PRR14L: variants seen among roughly 807,000 people sequenced by gnomAD.
The protein encoded by PRR14L is proline rich 14 like.
A neutral mutation model predicts 155.0 loss-of-function variants in PRR14L; 80 were observed. The observed-to-expected ratio is 0.52, with a 90% CI of 0.43 to 0.62. The LOEUF (loss-of-function observed/expected upper bound fraction) is 0.62, where lower values mean the gene tolerates loss of function less well. Ranked by LOEUF, PRR14L falls within the 20% of genes least tolerant of loss-of-function variation. PRR14L has a pLI of 0.00. For synonymous variants in PRR14L, 883 were observed against 916.0 expected, an observed-to-expected ratio of 0.96 and a Z score of 0.65; for missense variants, 2,469 against 2,548.0, an observed-to-expected ratio of 0.97 and a Z score of 0.67.
intron 1 of PRR14L, among the ~76,000 whole-genome samples, chr22:31,746,882 T>C (rs2074841422): frequency 6.6e-6 from 1 of 151,330 alleles, no homozygotes; most frequent in South Asian, 2.1e-4. Context: ...CTGCAAGCTC[T>C]GCCTCCCGGG....
At chr22:31,700,610 G>A (rs930738715) in intron 7 of PRR14L, among the ~76,000 whole-genome samples, 1 of 152,192 alleles carries the variant, frequency 6.6e-6, no homozygotes. Context: ...AGGCTGGAGT[G>A]CAATGGCACG....
chr22:31,700,195 T>G (rs1327370599), intron 7 of PRR14L, among the ~76,000 whole-genome samples: 1 of 152,140 alleles, frequency 6.6e-6, no homozygotes, highest in African/African-American at 2.4e-5. Context: ...TTGAAAGAAG[T>G]GGAAATAATT....
chr22:31,688,076 C>A, intron 8 of PRR14L, 80 bp downstream of exon 8: 5 of 1,236,526 alleles, frequency 4.0e-6, no homozygotes, highest in Non-Finnish European at 5.6e-6. Context: ...AACATAAACT[C>A]TTTCTAAAGT....
chr22:31,743,595 G>A (rs942214645), intron 1 of PRR14L, among the ~76,000 whole-genome samples: 7 of 152,196 alleles, frequency 4.6e-5, no homozygotes, highest in Admixed American at 4.6e-4. Flanking sequence ...GAGGTCAGGA[G>A]TTCCAGACCA....
At chr22:31,739,329 C>G (rs1005795573) in intron 1 of PRR14L, among the ~76,000 whole-genome samples, 85 of 152,180 alleles carry the variant, frequency 5.6e-4, no homozygotes, top group Non-Finnish European at 1.0e-3. Flanking sequence ...ATAGTACGTA[C>G]TCGGCAAATA....
intron 2 of PRR14L, among the ~76,000 whole-genome samples, chr22:31,729,360 C>A (rs183896875): frequency 6.6e-6 from 1 of 152,220 alleles, no homozygotes; most frequent in East Asian, 1.9e-4. Context: ...TACAGGCACC[C>A]GCCACTACGC....
At chr22:31,701,083 G>A (rs1451076160) in intron 7 of PRR14L, among the ~76,000 whole-genome samples, 1 of 151,740 alleles carries the variant, frequency 6.6e-6, no homozygotes, top group Non-Finnish European at 1.5e-5. Context: ...CACCTCCCAG[G>A]CTCAAGCGAA....
chr22:31,728,466 A>T (rs1262824263), intron 2 of PRR14L, among the ~76,000 whole-genome samples: 1 of 151,942 alleles, frequency 6.6e-6, no homozygotes, highest in Non-Finnish European at 1.5e-5. Flanking sequence ...ATATATAATT[A>T]GCTGGGCATG....
In PRR14L at chr22:31,713,173, GATTGGA is replaced by G. The variant is rs2074633367; in HGVS notation, c.4660_4665del (p.Ser1554_Asn1555del). On this transcript the variant is annotated inframe_deletion, in exon 4 of 9. Transcript: ENST00000327423. ...AGTCTGTGCGCTTTTGTGGGGATGG[GATTGGA>G]AGAACTCTTTAAAAAGGCAGAACTT... 2 of 1,551,930 alleles carry G rather than the reference GATTGGA, an allele frequency of 1.3e-6. No homozygotes were observed. Among genetic ancestry groups the G allele is most frequent in the African/African-American group, 2.7e-5 (2 of 73,144 alleles).
At chr22:31,696,113 A>C (rs2043307225) in intron 7 of PRR14L, among the ~76,000 whole-genome samples, 1 of 151,332 alleles carries the variant, frequency 6.6e-6, no homozygotes, top group Admixed American at 6.6e-5. Flanking sequence ...CAACCACTCA[A>C]TCTTTAATTT....
chr22:31,717,056 T>C lies in PRR14L; in HGVS notation c.783A>G (p.Val261=). ...TTTCTTTAGGAGTTGCTTCTGTTAA[T>C]ACAGGGTCCACAAAGGTTAAAGGTT... ...TPEPLTFVDP[V]LTEATPKEKE... Residue 261 remains valine (V), a synonymous_variant, in exon 4 of 9, where the codon GTA becomes GTG. Coordinates refer to ENST00000327423, the MANE Select transcript of PRR14L (RefSeq NM_173566.3). 1 of 1,551,900 alleles carries C rather than the reference T, an allele frequency of 6.4e-7. No homozygotes were observed. Among genetic ancestry groups the C allele is most frequent in the East Asian group, 2.4e-5 (1 of 40,922 alleles).
chr22:31,715,449 T>C lies in PRR14L; in HGVS notation c.2390A>G (p.Gln797Arg). 1 of 1,552,378 alleles carries C rather than the reference T, an allele frequency of 6.4e-7. No homozygotes were observed. Among genetic ancestry groups the C allele is most frequent in the Non-Finnish European group, 8.7e-7 (1 of 1,147,126 alleles). Residue 797 changes from glutamine (Q) to arginine (R), a missense_variant, in exon 4 of 9, where the codon CAG becomes CGG. By Grantham distance (43) the Gln-to-Arg change is conservative (BLOSUM62 1). Coordinates refer to ENST00000327423, the MANE Select transcript of PRR14L (RefSeq NM_173566.3). ...AGCAGAAGCAGAACACATGTTTTCC[T>C]GGGATACATTTTTTCTTACACGATG... ...SCHRVRKNVS[Q>R]ENMCSASAAF... is the part of the protein sequence containing the mutation.
rs1464494721 is a variant in PRR14L, at chr22:31,681,393, A to G, written c.*4134T>C. 1 of 152,230 alleles carries G rather than the reference A, an allele frequency of 6.6e-6. No individual in the cohort carries two copies. Among genetic ancestry groups the G allele is most frequent in the South Asian group, 2.1e-4 (1 of 4,830 alleles). 9.4% of individuals were successfully genotyped at this position (152,230 alleles called of 1,614,324 possible). A position where few individuals can be genotyped will look rare whatever the true frequency, so the allele number is the denominator to read the frequency against. On this transcript the variant is annotated 3_prime_UTR_variant, in exon 9 of 9. Coordinates refer to ENST00000327423, the MANE Select transcript of PRR14L (RefSeq NM_173566.3). ...TTTATTTTCATAAATTAACACACAT[A>G]ACAGTGGAAATCTTAGAGTCACAAA...
At chr22:31,711,299 C>T (rs932623232) in intron 4 of PRR14L, among the ~76,000 whole-genome samples, 2 of 151,778 alleles carry the variant, frequency 1.3e-5, no homozygotes, top group Non-Finnish European at 2.9e-5. Flanking sequence ...ATGGTGAAAC[C>T]GTCTCTACTA....
intron 4 of PRR14L, among the ~76,000 whole-genome samples, chr22:31,711,776 CAAAAAAAAAAAA>C (rs757790329): frequency 7.4e-4 from 36 of 48,736 alleles, no homozygotes; most frequent in African/African-American, 1.7e-3. Context: ...AAGAGTTAAT[CAAAAAAAAAAAA>C]AAAAAAAAAA....
chr22:31,741,124 G>A (rs1215081135), intron 1 of PRR14L, among the ~76,000 whole-genome samples: 2 of 151,944 alleles, frequency 1.3e-5, no homozygotes, highest in East Asian at 1.9e-4. Flanking sequence ...ATGATGGCGC[G>A]CGCCTGTGGT....
chr22:31,737,608 T>C (rs2074789227), intron 2 of PRR14L, among the ~76,000 whole-genome samples: 1 of 150,828 alleles, frequency 6.6e-6, no homozygotes. Context: ...GGTAATATAC[T>C]AAGACCCTGC....
intron 4 of PRR14L, among the ~76,000 whole-genome samples, chr22:31,706,382 A>G (rs904119704): frequency 2.7e-5 from 4 of 150,288 alleles, no homozygotes; most frequent in African/African-American, 4.9e-5. Context: ...AAAAAAAAAA[A>G]GGAGAAAACT....
At chr22:31,704,237 T>C (rs2074577982) in intron 5 of PRR14L, among the ~76,000 whole-genome samples, 1 of 152,200 alleles carries the variant, frequency 6.6e-6, no homozygotes, top group African/African-American at 2.4e-5. Flanking sequence ...GTAATCCATT[T>C]TATTGCTATG....
Sources: allele counts gnomAD v4.1 joint callset (sites outside exome capture counted in the v4.1 genomes callset), GRCh38; gene constraint gnomAD v4.1.1; transcripts MANE v1.5; gene names NCBI Gene and HGNC (gene_info 2026-07-23, HGNC 2026-07-21).